The following FDFT1 variants were observed in gnomAD, a reference collection of about 807,000 sequenced individuals.
The protein encoded by FDFT1 is squalene synthase.
Under a neutral mutation model 46.8 loss-of-function variants are expected in FDFT1, and 68 were observed. That is an observed-to-expected ratio of 1.45 (90% confidence interval 1.19 to 1.78). FDFT1 has a LOEUF of 1.78. Ranked by LOEUF, FDFT1 falls within the 40% of genes most tolerant of loss-of-function variation. The pLI, the probability that FDFT1 is intolerant of heterozygous loss-of-function variation, is 0.00. For missense variants in FDFT1, 928 were observed against 524.4 expected, an observed-to-expected ratio of 1.77 and a Z score of -7.52; for synonymous variants, 351 against 185.1, an observed-to-expected ratio of 1.90 and a Z score of -7.28.
At chr8:11,814,301 T>TTG (rs1554519491) in intron 3 of FDFT1, among the ~76,000 whole-genome samples, 4 of 82,680 alleles carry the variant, frequency 4.8e-5, no homozygotes, top group African/African-American at 2.5e-4. Flanking sequence ...ATTTTATAGG[T>TTG]TTTTTTTTTT....
At chr8:11,803,010 G>T (rs1284472298) in intron 1 of FDFT1, 79 bp downstream of exon 1, 2 of 1,524,862 alleles carry the variant, frequency 1.3e-6, no homozygotes, top group Non-Finnish European at 1.8e-6. Flanking sequence ...GGCCGGGCCC[G>T]GATCTGGGGC....
intron 3 of FDFT1, among the ~76,000 whole-genome samples, chr8:11,815,850 G>T (rs974807986): frequency 6.6e-6 from 1 of 152,126 alleles, no homozygotes; most frequent in African/African-American, 2.4e-5. Context: ...TTCTTTTGCT[G>T]TGCAGAAGCT....
intron 3 of FDFT1, among the ~76,000 whole-genome samples, chr8:11,815,794 A>G (rs1808360773): frequency 6.6e-6 from 1 of 152,196 alleles, no homozygotes; most frequent in African/African-American, 2.4e-5. Flanking sequence ...ATAAATTACA[A>G]AAATTTTCTC....
chr8:11,839,016 C>T lies in FDFT1; in HGVS notation c.*407C>T, dbSNP rs963845877. 3.5e-5 allele frequency: 6 copies of T among 173,210 alleles called. No individual in the cohort carries two copies. The highest frequency in any genetic ancestry group is 1.2e-4 in the South Asian group (1 of 8,020). 10.7% of individuals were successfully genotyped at this position (173,210 alleles called of 1,614,324 possible). A position where few individuals can be genotyped will look rare whatever the true frequency, so the allele number is the denominator to read the frequency against. ...AAATGATGTGAATTTTCTTTCTGTT[C>T]GGCTCCTATTTTTCTCATCATTTTG... is the stretch of plus-strand genomic sequence containing the variant. On this transcript the variant is annotated 3_prime_UTR_variant, in exon 8 of 8. Coordinates refer to ENST00000220584, the MANE Select transcript of FDFT1 (RefSeq NM_004462.5).
chr8:11,801,777 T>C (rs1024524446), upstream of FDFT1: 21 of 361,386 alleles, frequency 5.8e-5, no homozygotes, highest in Non-Finnish European at 8.1e-5. Flanking sequence ...CACTGCAAAC[T>C]CCGCTTCCCG....
At chr8:11,837,370 C>T (rs761950110) in intron 7 of FDFT1, among the ~76,000 whole-genome samples, 1 of 152,162 alleles carries the variant, frequency 6.6e-6, no homozygotes, top group Non-Finnish European at 1.5e-5. Context: ...GCTGGGGGAC[C>T]ACAGGTGCAT....
chr8:11,798,195 G>A (rs1451617495), upstream of FDFT1: 1 of 152,226 alleles, frequency 6.6e-6, no homozygotes, highest in African/African-American at 2.4e-5. Flanking sequence ...GAGTAACTGG[G>A]ATTACAGGCA....
intron 3 of FDFT1, among the ~76,000 whole-genome samples, chr8:11,810,751 A>C (rs1563305312): frequency 6.6e-6 from 1 of 152,146 alleles, no homozygotes; most frequent in Non-Finnish European, 1.5e-5. Context: ...GCAAAGTCAC[A>C]TGTTGTGTAA....
intron 2 of FDFT1, chr8:11,809,420 C>A (rs1807390426): frequency 3.3e-6 from 4 of 1,229,776 alleles, no homozygotes; most frequent in Non-Finnish European, 3.0e-6. Flanking sequence ...AAATGCAACT[C>A]ACTTCTGGGA....
intron 7 of FDFT1, 170 bp downstream of exon 7, chr8:11,831,840 C>T (rs1810848618): frequency 1.5e-5 from 9 of 617,310 alleles, no homozygotes; most frequent in East Asian, 8.4e-5. Flanking sequence ...TCACAGGAGC[C>T]GAGCAGATTG....
At chr8:11,809,143 T>G (rs972143679) in intron 2 of FDFT1, 1 of 1,309,042 alleles carries the variant, frequency 7.6e-7, no homozygotes, top group Non-Finnish European at 9.7e-7. Context: ...CTTTTTTTAG[T>G]CTTGGCAGCT....
intron 3 of FDFT1, among the ~76,000 whole-genome samples, chr8:11,818,940 C>T (rs959958892): frequency 1.3e-5 from 2 of 152,228 alleles, no homozygotes; most frequent in African/African-American, 2.4e-5. Context: ...GCAGTTTCTT[C>T]CTAGCCTCGA....
upstream of FDFT1, chr8:11,801,968 C>T (rs1000713704): frequency 6.6e-6 from 3 of 455,608 alleles, no homozygotes; most frequent in East Asian, 6.9e-5. Context: ...CGATTACAGG[C>T]GTGAGCCACC....
At chr8:11,807,431 G>T (rs374219307) in intron 1 of FDFT1, among the ~76,000 whole-genome samples, 2 of 152,350 alleles carry the variant, frequency 1.3e-5, no homozygotes, top group African/African-American at 2.4e-5. Context: ...CCGAAGTGCA[G>T]GGATTATAGG....
At chr8:11,821,998 A>AACCTAAACAGATGAAT in intron 4 of FDFT1, 120 bp downstream of exon 4, 1 of 1,206,440 alleles carries the variant, frequency 8.3e-7, no homozygotes, top group Non-Finnish European at 1.2e-6. Context: ...TTTACAATTC[A>AACCTAAACAGATGAAT]TCTGTTTAGG....
chr8:11,804,312 G>A (rs534039151), intron 1 of FDFT1, among the ~76,000 whole-genome samples: 1 of 152,324 alleles, frequency 6.6e-6, no homozygotes, highest in South Asian at 2.1e-4. Flanking sequence ...GACTGTTAGA[G>A]AAAATGGTAG....
chr8:11,830,527 C>T (rs1244700886), intron 6 of FDFT1, 107 bp downstream of exon 6: 5 of 787,300 alleles, frequency 6.4e-6, no homozygotes, highest in African/African-American at 1.7e-5. Flanking sequence ...CTTAAAAAGA[C>T]GATGACTCCA....
At chr8:11,835,410 A>G (rs1389238092) in intron 7 of FDFT1, among the ~76,000 whole-genome samples, 1 of 152,170 alleles carries the variant, frequency 6.6e-6, no homozygotes, top group South Asian at 2.1e-4. Context: ...TTGTGCTGTC[A>G]TGCTTATATG....
intron 1 of FDFT1, among the ~76,000 whole-genome samples, chr8:11,805,302 G>A (rs1806690220): frequency 6.6e-6 from 1 of 152,154 alleles, no homozygotes; most frequent in Admixed American, 6.5e-5. Context: ...TTTGGCTATA[G>A]AATTTCAGGG....
Sources: allele counts gnomAD v4.1 joint callset (sites outside exome capture counted in the v4.1 genomes callset), GRCh38; gene constraint gnomAD v4.1.1; transcripts MANE v1.5; gene names NCBI Gene and HGNC (gene_info 2026-07-23, HGNC 2026-07-21).